CERT1: variants seen among roughly 807,000 people sequenced by gnomAD.
CERT1 encodes ceramide transporter 1.
A neutral mutation model predicts 87.9 loss-of-function variants in CERT1; 31 were observed. The ratio of observed to expected loss-of-function variants is 0.35; its 90% CI spans 0.27 to 0.48. The LOEUF is 0.48. Among genes scored for constraint, CERT1 ranks in the 20% least tolerant of loss-of-function variants. CERT1 has a pLI of 0.99. For missense variants in CERT1, 487 were observed against 758.0 expected (o/e 0.64, Z 4.20); for synonymous variants, 289 against 250.9 (o/e 1.15, Z -1.44).
intron 3 of CERT1, among the ~76,000 whole-genome samples, chr5:75,455,439 T>C (rs1179766541): frequency 3.3e-5 from 5 of 152,066 alleles, no homozygotes; most frequent in Non-Finnish European, 5.9e-5. Flanking sequence ...AATGTGTTGA[T>C]TGTAATGGTT....
chr5:75,410,777 T>C (rs1412410826), intron 8 of CERT1: 4 of 279,216 alleles, frequency 1.4e-5, no homozygotes, highest in African/African-American at 8.7e-5. Flanking sequence ...TCCTATCAAG[T>C]GAACAGGCCT....
At chr5:75,377,718 G>A (rs551962713), downstream of CERT1, 4 of 152,290 alleles carry the variant, frequency 2.6e-5, no homozygotes, top group South Asian at 4.1e-4. Flanking sequence ...GAAGAAACTA[G>A]TAATAGCATA....
chr5:75,386,953 C>T (rs571555041), intron 12 of CERT1, among the ~76,000 whole-genome samples: 1 of 152,218 alleles, frequency 6.6e-6, no homozygotes, highest in South Asian at 2.1e-4. Flanking sequence ...CTGCAACCTC[C>T]GCCTCCCAGG....
intron 5 of CERT1, among the ~76,000 whole-genome samples, chr5:75,420,809 G>A (rs2112165284): frequency 6.6e-6 from 1 of 152,008 alleles, no homozygotes; most frequent in East Asian, 1.9e-4. Flanking sequence ...CTTTTATCAA[G>A]CTTTTTGTGG....
At chr5:75,468,745 A>G (rs1017347967) in intron 2 of CERT1, among the ~76,000 whole-genome samples, 1 of 152,174 alleles carries the variant, frequency 6.6e-6, no homozygotes, top group African/African-American at 2.4e-5. Context: ...TAATGCTGTA[A>G]CAGTTGCAAC....
chr5:75,444,134 C>A (rs1764437674), intron 3 of CERT1, among the ~76,000 whole-genome samples: 1 of 152,192 alleles, frequency 6.6e-6, no homozygotes, highest in Non-Finnish European at 1.5e-5. Context: ...TGGCTCACTG[C>A]AACCCCTGCC....
intron 3 of CERT1, among the ~76,000 whole-genome samples, chr5:75,457,519 T>C (rs1765035526): frequency 6.6e-6 from 1 of 152,122 alleles, no homozygotes; most frequent in Non-Finnish European, 1.5e-5. Context: ...TTTAGACTTT[T>C]CTGAAGTAAC....
chr5:75,473,843 G>A (rs1343294463), intron 2 of CERT1, among the ~76,000 whole-genome samples: 1 of 152,026 alleles, frequency 6.6e-6, no homozygotes, highest in Non-Finnish European at 1.5e-5. Context: ...ATAAATACAT[G>A]TTACATGTCA....
chr5:75,510,965 C>T, intron 1 of CERT1, 147 bp downstream of exon 1: 2 of 1,144,228 alleles, frequency 1.7e-6, no homozygotes, highest in South Asian at 3.6e-5. Context: ...CCTATATCCC[C>T]GCCTCATCCC....
intron 2 of CERT1, among the ~76,000 whole-genome samples, chr5:75,488,557 T>C (rs539099973): frequency 4.6e-5 from 7 of 152,286 alleles, no homozygotes; most frequent in African/African-American, 1.4e-4. Context: ...ATCAAAGTTG[T>C]ACATAGCTTA....
At chr5:75,403,119 A>C in intron 8 of CERT1, 61 bp from the exon 9 acceptor site, 1 of 1,093,104 alleles carries the variant, frequency 9.1e-7, no homozygotes, top group Non-Finnish European at 1.4e-6. Flanking sequence ...AACTCTGATA[A>C]CTCTGGTATT....
chr5:75,457,273 T>A (rs1456227289), intron 3 of CERT1, among the ~76,000 whole-genome samples: 3 of 152,196 alleles, frequency 2.0e-5, no homozygotes, highest in Non-Finnish European at 4.4e-5. Flanking sequence ...ACATCAGTCA[T>A]TCTGGTAAGT....
chr5:75,390,751 A>G (rs1164762240), intron 11 of CERT1, among the ~76,000 whole-genome samples: 5 of 152,154 alleles, frequency 3.3e-5, no homozygotes, highest in African/African-American at 9.7e-5. Context: ...TATTCTGTTC[A>G]TTAGGAATAT....
At chr5:75,441,038 A>C (rs1174004672) in intron 3 of CERT1, among the ~76,000 whole-genome samples, 2 of 152,142 alleles carry the variant, frequency 1.3e-5, no homozygotes, top group Non-Finnish European at 2.9e-5. Context: ...CAATATTTAA[A>C]ATGTGTCACA....
intron 2 of CERT1, among the ~76,000 whole-genome samples, chr5:75,484,124 C>T (rs1423325603): frequency 6.6e-6 from 1 of 151,848 alleles, no homozygotes; most frequent in African/African-American, 2.4e-5. Context: ...CTCTCTGTTT[C>T]TTAGTTTGTT....
intron 3 of CERT1, among the ~76,000 whole-genome samples, chr5:75,431,708 C>T (rs1763874249): frequency 6.6e-6 from 1 of 152,182 alleles, no homozygotes; most frequent in African/African-American, 2.4e-5. Context: ...AGGATAATGG[C>T]CACCAGTTCC....
chr5:75,474,050 C>T (rs1765842047), intron 2 of CERT1, among the ~76,000 whole-genome samples: 1 of 152,152 alleles, frequency 6.6e-6, no homozygotes, highest in Admixed American at 6.5e-5. Flanking sequence ...CAAAACTGGA[C>T]ATGGGCCTGC....
At chr5:75,481,600 A>G (rs1298592782) in intron 2 of CERT1, among the ~76,000 whole-genome samples, 7 of 152,214 alleles carry the variant, frequency 4.6e-5, no homozygotes, top group African/African-American at 1.7e-4. Context: ...CAAATGTAAA[A>G]TATCTTAAAC....
At chr5:75,503,840 T>A (rs377031500) in intron 2 of CERT1, among the ~76,000 whole-genome samples, 53 of 79,992 alleles carry the variant, frequency 6.6e-4, no homozygotes, top group Middle Eastern at 9.4e-3. Flanking sequence ...AATTTAAATT[T>A]TTTGTTTAAT....
Sources: allele counts gnomAD v4.1 joint callset (sites outside exome capture counted in the v4.1 genomes callset), GRCh38; gene constraint gnomAD v4.1.1; transcripts MANE v1.5; gene names NCBI Gene and HGNC (gene_info 2026-07-23, HGNC 2026-07-21).